PEX14: variants seen among roughly 807,000 people sequenced by gnomAD.
The protein encoded by PEX14 is peroxisomal membrane protein PEX14.
A neutral mutation model predicts 49.5 loss-of-function variants in PEX14; 15 were observed. The ratio of observed to expected loss-of-function variants is 0.30; its 90% CI spans 0.20 to 0.47. PEX14 has a LOEUF of 0.47. PEX14 is among the 20% of genes least tolerant of loss of function. PEX14 has a pLI of 1.00. For missense variants in PEX14, 398 were observed against 494.8 expected, an observed-to-expected ratio of 0.80 and a Z score of 1.86; for synonymous variants, 210 against 212.7, an observed-to-expected ratio of 0.99 and a Z score of 0.11.
At chr1:10,620,352 T>G (rs990902101) in intron 5 of PEX14, among the ~76,000 whole-genome samples, 7 of 149,796 alleles carry the variant, frequency 4.7e-5, no homozygotes, top group African/African-American at 1.7e-4. Context: ...CATGGTGGTG[T>G]GAGCCTGTAG....
intron 3 of PEX14, among the ~76,000 whole-genome samples, chr1:10,547,767 T>C (rs1483920474): frequency 6.6e-6 from 1 of 152,220 alleles, no homozygotes; most frequent in East Asian, 1.9e-4. Flanking sequence ...TCTGTGTATA[T>C]GTGACAGAAG....
At chr1:10,588,185 G>A (rs1415519994) in intron 3 of PEX14, among the ~76,000 whole-genome samples, 2 of 151,476 alleles carry the variant, frequency 1.3e-5, no homozygotes, top group Non-Finnish European at 1.5e-5. Flanking sequence ...GCACCACAGC[G>A]CTCCAGCCTG....
At chr1:10,480,611 G>A (rs1055999929) in intron 1 of PEX14, among the ~76,000 whole-genome samples, 4 of 151,942 alleles carry the variant, frequency 2.6e-5, no homozygotes, top group African/African-American at 9.7e-5. Context: ...GGCCAGGCTA[G>A]TCTTGAATGC....
In PEX14 at chr1:10,553,010, A is replaced by G. The variant is rs986383359; in HGVS notation, c.169+16713A>G. Among the ~76,000 whole-genome samples the G allele has an allele frequency of 2.6e-5, 4 of 152,322 alleles. No homozygotes were observed. In the South Asian group the frequency reaches 8.3e-4, roughly 32 times the overall value. On this transcript the variant is annotated intron_variant, in intron 3 of 8. Coordinates refer to ENST00000356607, the MANE Select transcript of PEX14 (RefSeq NM_004565.3). ...AAGGTGGGATCAGGGAAGACCTGGCATGTGTTACCTCAAGAGTGTGGATTT... is the reference window on the plus strand; with the variant it reads ...AAGGTGGGATCAGGGAAGACCTGGCGTGTGTTACCTCAAGAGTGTGGATTT...
Position 10,597,528 on chromosome 1 carries a change from C to A in PEX14, c.170-1710C>A, listed in dbSNP as rs138070437. Among the ~76,000 whole-genome samples the A allele has an allele frequency of 6.8e-3, 1,043 of 152,264 alleles. 12 individuals carry two copies. Among genetic ancestry groups the A allele is most frequent in the South Asian group, 0.011 (52 of 4,822 alleles). On this transcript the variant is annotated intron_variant, in intron 3 of 8. Coordinates refer to ENST00000356607, the MANE Select transcript of PEX14 (RefSeq NM_004565.3). The surrounding 1 kb of genome is among the most constrained non-coding windows in gnomAD (Gnocchi z 5.7). ...AGGTGAAATTATGGGTAAAGCAGTC[C>A]CTTTGCAGCAAGCACCCCCTCTCTA...
intron 3 of PEX14, among the ~76,000 whole-genome samples, chr1:10,572,644 C>T (rs573041363): frequency 6.6e-6 from 1 of 152,028 alleles, no homozygotes; most frequent in South Asian, 2.1e-4. Flanking sequence ...ACACCATTCT[C>T]CTGTCTTAGC....
At chr1:10,549,763 G>A (rs1639283820) in intron 3 of PEX14, among the ~76,000 whole-genome samples, 1 of 152,086 alleles carries the variant, frequency 6.6e-6, no homozygotes, top group Non-Finnish European at 1.5e-5. Flanking sequence ...ATGTCATGTT[G>A]GCACTCAAAA....
intron 2 of PEX14, among the ~76,000 whole-genome samples, chr1:10,516,112 C>T (rs549329751): frequency 6.6e-6 from 1 of 152,340 alleles, no homozygotes; most frequent in Admixed American, 6.5e-5. Flanking sequence ...AACTCCTTTT[C>T]TGGCAGAATA....
At chr1:10,533,038 C>G (rs1340304706) in intron 2 of PEX14, among the ~76,000 whole-genome samples, 1 of 152,084 alleles carries the variant, frequency 6.6e-6, no homozygotes, top group East Asian at 1.9e-4. Flanking sequence ...GTCCTTCCCC[C>G]CATTTTGTAG....
rs116161042 is a variant in PEX14, at chr1:10,494,082, C to A, written c.37-1192C>A. Among the ~76,000 whole-genome samples the A allele has an allele frequency of 2.9e-3, 440 of 152,314 alleles. 1 individual carries two copies. The highest frequency in any genetic ancestry group is 0.01 in the African/African-American group (421 of 41,552). ...TGAGACGGACCCTCACTTTCTAGAT[C>A]GTTTCCTGCTGGCTGACCTCTTGTC... On this transcript the variant is annotated intron_variant, in intron 1 of 8. Coordinates refer to ENST00000356607, the MANE Select transcript of PEX14 (RefSeq NM_004565.3). This position sits in a 1 kb window ranked among gnomAD's most constrained non-coding sequence, Gnocchi z 4.3.
rs1255820799 is a variant in PEX14 at position 10,629,638 on chromosome 1, GCGA to G, written c.787_789del (p.Asp263del). The G allele has an allele frequency of 6.2e-7, 1 of 1,613,848 alleles. No individual in the cohort carries two copies. Among genetic ancestry groups the G allele is most frequent in the Non-Finnish European group, 8.5e-7 (1 of 1,179,950 alleles). On this transcript the variant is annotated inframe_deletion, in exon 9 of 9. Coordinates refer to ENST00000356607, the MANE Select transcript of PEX14 (RefSeq NM_004565.3). The surrounding 1 kb of genome is among the most constrained non-coding windows in gnomAD (Gnocchi z 8.5). ...GCGGCCGTGAACCACCACAGCAGCA[GCGA>G]CATCTCACCTGTCAGCAACGAGTCC... is the stretch of plus-strand genomic sequence containing the variant.
In PEX14 at chr1:10,623,072, G is replaced by C. The variant is rs776790709; in HGVS notation, c.438G>C (p.Glu146Asp). The part of the protein sequence containing the change: ...LGGREDRKQL[E>D]RMEAGLSELS... ...GCCGAGAGGACAGAAAGCAGCTGGA[G>C]AGGATGGAGGCCGGTCTCTCTGAGC... is the stretch of plus-strand genomic sequence containing the variant. The change falls in exon 6 of 9, where the codon GAG becomes GAC. Residue 146 changes from glutamate to aspartate, a missense_variant. Physicochemically the swap from Glu to Asp is conservative, Grantham distance 45. This residue lies in a region of PEX14 where 202 missense variants were observed against 298.5 expected (regional missense o/e 0.68). Coordinates refer to ENST00000356607, the MANE Select transcript of PEX14 (RefSeq NM_004565.3). The surrounding 1 kb of genome is among the most constrained non-coding windows in gnomAD (Gnocchi z 4.4). The C allele has an allele frequency of 6.2e-7, 1 of 1,614,024 alleles. No homozygotes were observed.
At chr1:10,525,704 C>T (rs903761985) in intron 2 of PEX14, among the ~76,000 whole-genome samples, 1 of 152,212 alleles carries the variant, frequency 6.6e-6, no homozygotes, top group Non-Finnish European at 1.5e-5. Context: ...CAGCTCACTG[C>T]AACCTCCGCC....
At position 10,495,339 on chromosome 1, in the gene PEX14, G is replaced by T. The variant is rs1641539900; in HGVS notation, c.84+18G>T. The T allele has an allele frequency of 6.3e-7, 1 of 1,599,904 alleles. No individual in the cohort carries two copies. The highest frequency in any genetic ancestry group is 1.3e-5 in the African/African-American group (1 of 74,648). ...AGCCGCTGGTAAGTACCCAAGATAT[G>T]TGGTATCACTTTCTAGTAATTAAAA... is the stretch of plus-strand genomic sequence containing the variant. On this transcript the variant is annotated intron_variant, in intron 2 of 8. Transcript: ENST00000356607. The surrounding 1 kb of genome is among the most constrained non-coding windows in gnomAD (Gnocchi z 4.2).
At chr1:10,620,593 G>C (rs1641560694) in intron 5 of PEX14, among the ~76,000 whole-genome samples, 1 of 152,166 alleles carries the variant, frequency 6.6e-6, no homozygotes, top group Non-Finnish European at 1.5e-5. Context: ...TTTGAGACCA[G>C]CCTGGCCAAC....
chr1:10,537,857 AAAAAG>A (rs1191135305), intron 3 of PEX14, among the ~76,000 whole-genome samples: 1 of 152,204 alleles, frequency 6.6e-6, no homozygotes, highest in Non-Finnish European at 1.5e-5. Context: ...GAGTGAAAAA[AAAAAG>A]AGAGAGAGAA....
intron 3 of PEX14, among the ~76,000 whole-genome samples, chr1:10,575,222 A>G (rs1640087733): frequency 6.6e-6 from 1 of 152,218 alleles, no homozygotes; most frequent in Non-Finnish European, 1.5e-5. Flanking sequence ...AAGATGCAAT[A>G]ATCATGCAAC....
intron 2 of PEX14, chr1:10,517,184 G>T (rs1037213672): frequency 6.7e-6 from 1 of 149,620 alleles, no homozygotes; most frequent in South Asian, 2.2e-4. Flanking sequence ...GATTTTGCTG[G>T]TCACACCCAG....
chr1:10,542,407 C>T (rs1196485799), intron 3 of PEX14, among the ~76,000 whole-genome samples: 3 of 152,210 alleles, frequency 2.0e-5, no homozygotes, highest in Non-Finnish European at 4.4e-5. Flanking sequence ...TACATACTGA[C>T]TTGCTTCATT....
Sources: allele counts gnomAD v4.1 joint callset (sites outside exome capture counted in the v4.1 genomes callset), GRCh38; gene constraint gnomAD v4.1.1; regional missense constraint gnomAD v4.1.1; non-coding constraint Gnocchi (gnomAD v3.1); transcripts MANE v1.5; gene names NCBI Gene and HGNC (gene_info 2026-07-23, HGNC 2026-07-21).